The following FANCB variants were observed in gnomAD, a reference collection of about 807,000 sequenced individuals.
The protein encoded by FANCB is Fanconi anemia group B protein.
FANCB carries 5 observed loss-of-function variants against 38.9 expected under a neutral mutation model. The observed-to-expected ratio is 0.13, with a 90% CI of 0.07 to 0.27. The LOEUF is 0.27. FANCB is among the 10% of genes least tolerant of loss of function. The pLI, the probability that FANCB is intolerant of heterozygous loss-of-function variation, is 1.00. For synonymous variants in FANCB, 236 were observed against 215.4 expected (o/e 1.10, Z -0.84); for missense variants, 573 against 602.7 (o/e 0.95, Z 0.52).
the FANCB span, among the ~76,000 whole-genome samples, chrX:14,794,030 GTTTT>G: frequency 9.0e-6 from 1 of 111,450 alleles, no homozygotes; most frequent in Non-Finnish European, 1.9e-5. Flanking sequence ...TGTTTGTCTG[GTTTT>G]TTGTTTGTTT....
chrX:14,730,537 T>C, the FANCB span: 8 of 748,907 alleles, frequency 1.1e-5, no homozygotes, highest in African/African-American at 2.1e-4. Context: ...TGCTTGTAAA[T>C]ACACAGTGAA....
At chrX:14,690,689 GTGTCTC>G in the FANCB span, 2 of 1,033,377 alleles carry the variant, frequency 1.9e-6, no homozygotes, top group Non-Finnish European at 2.7e-6. Flanking sequence ...GTGTGTGTGT[GTGTCTC>G]TCTCTCTCTC....
At chrX:14,717,390 AATTCTT>A in the FANCB span, among the ~76,000 whole-genome samples, 1 of 110,383 alleles carries the variant, frequency 9.1e-6, no homozygotes, top group African/African-American at 3.3e-5. Flanking sequence ...ACCTAGGCTT[AATTCTT>A]ATATATACTC....
At chrX:14,730,339 G>A in the FANCB span, 2 of 1,209,006 alleles carry the variant, frequency 1.7e-6, no homozygotes, top group African/African-American at 3.5e-5. Context: ...AAAAGATGGA[G>A]ATGCTATCAA....
At chrX:14,768,916 T>A in the FANCB span, among the ~76,000 whole-genome samples, 1 of 112,098 alleles carries the variant, frequency 8.9e-6, no homozygotes, top group South Asian at 3.7e-4. Context: ...ATTGAGATAG[T>A]CATGTGGTTT....
At chrX:14,730,133 T>C in the FANCB span, 1 of 787,779 alleles carries the variant, frequency 1.3e-6, no homozygotes, top group Non-Finnish European at 1.9e-6. Context: ...CTTTTACTTC[T>C]AAAGAATTTT....
downstream of FANCB, among the ~76,000 whole-genome samples, chrX:14,841,539 A>T (rs2147382928): frequency 8.9e-6 from 1 of 112,154 alleles, no homozygotes; most frequent in South Asian, 3.7e-4. Context: ...GTGTACTATT[A>T]GAATTCTTGA....
chrX:14,852,428 A>T lies in FANCB; in HGVS notation c.1326+611T>A, dbSNP rs745468367. ...GTGATCCGCCCGTCTCGGCCTCCCA[A>T]AGTGCTGGGATTACAGGCATGAGCC... On this transcript the variant is annotated intron_variant, in intron 6 of 9. Coordinates refer to ENST00000650831, the MANE Select transcript of FANCB (RefSeq NM_001018113.3). Among the ~76,000 whole-genome samples the T allele has an allele frequency of 5.4e-5, 6 of 110,921 alleles. No homozygotes were observed. In the East Asian group the frequency reaches 1.4e-3, roughly 26 times the overall value.
the FANCB span, among the ~76,000 whole-genome samples, chrX:14,697,030 T>A: frequency 9.0e-6 from 1 of 111,138 alleles, no homozygotes; most frequent in South Asian, 3.8e-4. Flanking sequence ...TATTTCCAAT[T>A]ATTTGTCCCT....
chrX:14,765,454 T>C, the FANCB span, among the ~76,000 whole-genome samples: 3 of 112,481 alleles, frequency 2.7e-5, no homozygotes, highest in Admixed American at 1.9e-4. Flanking sequence ...TTTTATGAGA[T>C]ACAATCATCA....
the FANCB span, among the ~76,000 whole-genome samples, chrX:14,800,207 A>G: frequency 1.8e-5 from 2 of 111,971 alleles, no homozygotes; most frequent in Non-Finnish European, 1.9e-5. Context: ...TCTATGAAGA[A>G]CACTCATGTC....
the FANCB span, among the ~76,000 whole-genome samples, chrX:14,712,446 T>C: frequency 9.0e-6 from 1 of 111,623 alleles, no homozygotes; most frequent in East Asian, 2.8e-4. Flanking sequence ...TGCAGGATTT[T>C]GTCTTCTTTA....
the FANCB span, among the ~76,000 whole-genome samples, chrX:14,717,230 A>G: frequency 7.7e-4 from 85 of 110,167 alleles, no homozygotes; most frequent in African/African-American, 2.7e-3. Flanking sequence ...GCCTGGGTAC[A>G]GAGAGAAGCT....
chrX:14,730,730 A>C, the FANCB span: 2 of 357,792 alleles, frequency 5.6e-6, no homozygotes, highest in African/African-American at 5.1e-5. Context: ...CATAATCTTT[A>C]GCATTGTTCT....
At chrX:14,703,010 G>A in the FANCB span, among the ~76,000 whole-genome samples, 1 of 111,767 alleles carries the variant, frequency 8.9e-6, no homozygotes, top group Non-Finnish European at 1.9e-5. Context: ...GAGCTTCAAA[G>A]AGCAGCAGTG....
the FANCB span, among the ~76,000 whole-genome samples, chrX:14,714,978 G>C: frequency 1.8e-5 from 2 of 111,989 alleles, no homozygotes; most frequent in African/African-American, 6.5e-5. Flanking sequence ...TAACTGATAA[G>C]ATCGAAATTT....
At chrX:14,847,975 A>G (rs1171268675) in intron 7 of FANCB, among the ~76,000 whole-genome samples, 3 of 111,910 alleles carry the variant, frequency 2.7e-5, no homozygotes, top group Non-Finnish European at 5.6e-5. Context: ...TTAATAGAAA[A>G]ATATAAGCAA....
rs767194178 is a variant in FANCB, at chrX:14,843,626, T to C, written c.2521A>G (p.Lys841Glu). Residue 841 changes from lysine (K) to glutamate (E), a missense_variant, in exon 10 of 10, where the codon AAA (lysine) becomes GAA (glutamate). Coordinates refer to ENST00000650831, the MANE Select transcript of FANCB (RefSeq NM_001018113.3). ...GATTTCAACTGAACCTCAGCTACTT[T>C]CAAAGTTATTTCTCTGTAAAGGGCA... The part of the protein sequence containing the change: ...SGALYREITL[K>E]VAEVQLKSDF... 5.8e-6 allele frequency: 7 copies of C among 1,208,213 alleles called. No individual in the cohort carries two copies. In the South Asian group the frequency reaches 1.1e-4, roughly 18 times the overall value.
chrX:14,706,003 C>T, the FANCB span, among the ~76,000 whole-genome samples: 1 of 85,422 alleles, frequency 1.2e-5, no homozygotes, highest in Admixed American at 1.2e-4. Flanking sequence ...CAGCATGGTT[C>T]TCAATCCTGG....
Sources: gnomAD v4.1 joint callset for allele counts (sites outside exome capture counted in the v4.1 genomes callset) on GRCh38, gnomAD v4.1.1 for gene constraint, MANE v1.5 for transcripts, NCBI Gene and HGNC (gene_info 2026-07-23, HGNC 2026-07-21) for gene names.